Variants in JADE2 observed in about 807,000 individuals in gnomAD.
JADE2 encodes the protein jade family PHD finger 2, also known as E3 ubiquitin-protein ligase Jade-2.
JADE2 carries 13 observed loss-of-function variants against 85.7 expected under a neutral mutation model. That is an observed-to-expected ratio of 0.15 (90% CI 0.10 to 0.24). The LOEUF (loss-of-function observed/expected upper bound fraction) is 0.24, where lower values mean the gene tolerates loss of function less well. Ranked by LOEUF, JADE2 falls within the 10% of genes least tolerant of loss-of-function variation. The probability of loss-of-function intolerance (pLI) is 1.00; values close to 1 mark genes in which losing one functional copy is unlikely to be tolerated. For synonymous variants in JADE2, 440 were observed against 456.1 expected, an observed-to-expected ratio of 0.96 and a Z score of 0.45; for missense variants, 846 against 1,115.9, an observed-to-expected ratio of 0.76 and a Z score of 3.45.
intron 4 of JADE2, among the ~76,000 whole-genome samples, chr5:134,556,207 C>G (rs951385366): frequency 6.6e-6 from 1 of 152,224 alleles, no homozygotes; most frequent in South Asian, 2.1e-4. Context: ...GGGGCCTCCC[C>G]GCCCTGGCAG....
intron 7 of JADE2, among the ~76,000 whole-genome samples, chr5:134,563,920 C>G (rs1763480503): frequency 6.6e-6 from 1 of 152,274 alleles, no homozygotes; most frequent in East Asian, 1.9e-4. Flanking sequence ...GGGGTGGTCT[C>G]TGCCCAGTAG....
Position 134,566,408 on chromosome 5 carries a change from A to T in JADE2, c.1262A>T (p.Glu421Val), listed in dbSNP as rs369345598. 6 of 1,613,804 alleles carry T rather than the reference A, an allele frequency of 3.7e-6. No individual in the cohort carries two copies. In the African/African-American group the frequency reaches 6.7e-5, roughly 18 times the overall value. ...AEVAERLDLA[E>V]ALVDFIYQYW... ...GTGGCTGAGCGGCTGGACCTGGCTGAGGCACTGGTCGACTTCATCTACCAG... is the reference window on the plus strand; with the variant it reads ...GTGGCTGAGCGGCTGGACCTGGCTGTGGCACTGGTCGACTTCATCTACCAG... The change falls in exon 9 of 12, where the codon GAG becomes GTG. Residue 421 changes from glutamate to valine, a missense_variant. By Grantham distance (121) the Glu-to-Val change is moderately radical. Around this residue, in one of 9 missense-constraint regions of JADE2, gnomAD observed 88 missense variants for 140.6 expected, o/e 0.63. Transcript: ENST00000681547. The surrounding 1 kb of genome is among the most constrained non-coding windows in gnomAD (Gnocchi z 6.7).
At chr5:134,532,470 G>A (rs1056303587) in intron 1 of JADE2, among the ~76,000 whole-genome samples, 24 of 152,200 alleles carry the variant, frequency 1.6e-4, no homozygotes, top group African/African-American at 5.8e-4. Flanking sequence ...CATGCTGGGG[G>A]TTGCATGAGA....
rs954210316 is a variant in JADE2, at chr5:134,577,178, G to A, written c.1681+282G>A. The A allele has an allele frequency of 8.6e-5, 31 of 361,258 alleles. No individual in the cohort carries two copies. In the Admixed American group the frequency reaches 1.2e-3, roughly 14 times the overall value. The allele number at this position is 361,258 out of a possible 1,614,324, so 22.4% of individuals were successfully genotyped here. ...GTCCAGTCATTCCCCTGGCTGGGGG[G>A]TCCTGGGTGCTGGATTTTCCCAGAG... On this transcript the variant is annotated intron_variant, in intron 11 of 11. Coordinates refer to ENST00000681547, the MANE Select transcript of JADE2 (RefSeq NM_001388185.1).
intron 3 of JADE2, among the ~76,000 whole-genome samples, chr5:134,539,037 T>TTTTTA (rs1186316025): frequency 2.1e-5 from 3 of 143,628 alleles, no homozygotes; most frequent in East Asian, 2.0e-4. Context: ...TGTATTTTTA[T>TTTTTA]TTTTATTTTA....
chr5:134,556,140 C>T (rs1197480453), intron 4 of JADE2, among the ~76,000 whole-genome samples: 2 of 152,222 alleles, frequency 1.3e-5, no homozygotes, highest in Non-Finnish European at 2.9e-5. Context: ...TCCCTGTCAG[C>T]GCTGAGTCAC....
intron 3 of JADE2, among the ~76,000 whole-genome samples, chr5:134,543,285 C>T (rs575443092): frequency 6.6e-6 from 1 of 151,910 alleles, no homozygotes; most frequent in Admixed American, 6.5e-5. Context: ...CCACCTCGGC[C>T]TCCCAAAGTG....
At position 134,535,880 on chromosome 5, in the gene JADE2, A is replaced by C. The variant is rs1000558168; in HGVS notation, c.23A>C (p.Tyr8Ser). 2 of 1,613,680 alleles carry C rather than the reference A, an allele frequency of 1.2e-6. No individual in the cohort carries two copies. The highest frequency in any genetic ancestry group is 2.7e-5 in the African/African-American group (2 of 74,842). MEEKRRK[Y>S]SISSDNSDTT... is the part of the protein sequence containing the mutation. ...CAGATGGAAGAGAAGAGGCGAAAAT[A>C]CTCCATCAGCAGTGACAACTCTGAC... Residue 8 changes from tyrosine to serine, a missense_variant, in exon 2 of 12, where the codon TAC (tyrosine) becomes TCC (serine). Around this residue, in one of 9 missense-constraint regions of JADE2, gnomAD observed 47 missense variants for 42.2 expected, o/e 1.11. Coordinates refer to ENST00000681547, the MANE Select transcript of JADE2 (RefSeq NM_001388185.1).
Position 134,558,998 on chromosome 5 carries a change from C to A in JADE2, c.312-832C>A, listed in dbSNP as rs780258757. On this transcript the variant is annotated intron_variant, in intron 4 of 11. Coordinates refer to ENST00000681547, the MANE Select transcript of JADE2 (RefSeq NM_001388185.1). ...GCTGCCTCAGCGGCAGAGCTGTGGC[C>A]ACAAAGGAAGGCTGAGCTGGGGAGG... Among the ~76,000 whole-genome samples the A allele has an allele frequency of 6.0e-4, 92 of 152,202 alleles. 1 individual carries two copies. Among genetic ancestry groups the A allele is most frequent in the Admixed American group, 4.0e-3 (61 of 15,280 alleles).
rs994061824 is a variant in JADE2, at chr5:134,525,925, C to T, written c.-87C>T. Reference sequence around the variant, plus strand: ...CTCCCGCGCCGGCCCCAGGAGCTCCCGGCTTCGGGAGCATCCTTCCCGCGC... The same window carrying T: ...CTCCCGCGCCGGCCCCAGGAGCTCCTGGCTTCGGGAGCATCCTTCCCGCGC... On this transcript the variant is annotated 5_prime_UTR_variant, in exon 1 of 12. Transcript: ENST00000681547. 1 of 985,704 alleles carries T rather than the reference C, an allele frequency of 1.0e-6. No individual in the cohort carries two copies. The highest frequency in any genetic ancestry group is 1.2e-6 in the Non-Finnish European group (1 of 830,412). 61.1% of individuals were successfully genotyped at this position (985,704 alleles called of 1,614,324 possible). A position where few individuals can be genotyped will look rare whatever the true frequency, so the allele number is the denominator to read the frequency against.
rs1021931042 is a variant in JADE2, at chr5:134,573,726, C to A, written c.1516C>A (p.Leu506Met). Reference protein sequence around the residue: ...ICKLQEQIFHLQMKLIEQDLC... With the variant: ...ICKLQEQIFHMQMKLIEQDLC... The stretch of plus-strand genomic sequence containing the variant: ...CAAACTCCAGGAGCAGATATTCCAC[C>A]TGCAGATGAAACTTATTGAACAGGA... Residue 506 changes from leucine (L) to methionine (M), a missense_variant, in exon 10 of 12, where the codon CTG becomes ATG. Leu to Met is a conservative substitution (Grantham distance 15). This residue lies in a region of JADE2 where 119 missense variants were observed against 163.9 expected (regional missense o/e 0.73). Coordinates refer to ENST00000681547, the MANE Select transcript of JADE2 (RefSeq NM_001388185.1). The A allele has an allele frequency of 4.3e-6, 7 of 1,613,374 alleles. No individual in the cohort carries two copies. The highest frequency in any genetic ancestry group is 5.9e-6 in the Non-Finnish European group (7 of 1,179,372).
rs115051702 is a variant in JADE2, at chr5:134,569,400, G to A, written c.1434+2820G>A. On this transcript the variant is annotated intron_variant, in intron 9 of 11. Coordinates refer to ENST00000681547, the MANE Select transcript of JADE2 (RefSeq NM_001388185.1). ...CTGCCGGCATGAAATCCCATTTTAT[G>A]GTCAACCAGATGTGCTTTCCTAAAA... is the stretch of plus-strand genomic sequence containing the variant. 5.6e-3 allele frequency among the ~76,000 whole-genome samples: 855 copies of A among 152,346 alleles called. 10 individuals carry two copies. Among genetic ancestry groups the A allele is most frequent in the African/African-American group, 0.019 (796 of 41,582 alleles).
intron 4 of JADE2, among the ~76,000 whole-genome samples, chr5:134,557,000 C>T (rs1265744750): frequency 6.8e-6 from 1 of 146,892 alleles, no homozygotes; most frequent in Non-Finnish European, 1.5e-5. Flanking sequence ...ACACATACCA[C>T]ATGCACACAC....
At chr5:134,535,684 CTG>C (rs1339075586) in intron 1 of JADE2, among the ~76,000 whole-genome samples, 172 bp from the exon 2 acceptor site, 5 of 150,320 alleles carry the variant, frequency 3.3e-5, no homozygotes, top group Non-Finnish European at 7.4e-5. Context: ...CCCAGGGCCT[CTG>C]TGGGTGGGTG....
chr5:134,578,072 C>T lies in JADE2; in HGVS notation c.1682-422C>T, dbSNP rs1173527177. Among the ~76,000 whole-genome samples the T allele has an allele frequency of 6.6e-5, 10 of 152,190 alleles. No homozygotes were observed. The highest frequency in any genetic ancestry group is 1.2e-4 in the African/African-American group (5 of 41,428). On this transcript the variant is annotated intron_variant, in intron 11 of 11. Transcript: ENST00000681547. This position sits in a 1 kb window ranked among gnomAD's most constrained non-coding sequence, Gnocchi z 4.4. ...GTGGGTAGCAACCTGTGCAGTGCCA[C>T]GGGGTCCTTGTTCTTGGTTAATGCT...
chr5:134,564,323 C>T, intron 7 of JADE2, 171 bp from the exon 8 acceptor site: 1 of 537,684 alleles, frequency 1.9e-6, no homozygotes, highest in Non-Finnish European at 3.4e-6. Flanking sequence ...AGGAGGAATT[C>T]CGGCCTTTGA....
At chr5:134,573,528 G>C in intron 9 of JADE2, 117 bp from the exon 10 acceptor site, 1 of 759,082 alleles carries the variant, frequency 1.3e-6, no homozygotes, top group Non-Finnish European at 2.4e-6. Flanking sequence ...GGCAGGATAG[G>C]CTGTGGCGGT....
At chr5:134,575,778 C>G (rs1279540693) in intron 10 of JADE2, 1 of 151,940 alleles carries the variant, frequency 6.6e-6, no homozygotes, top group Non-Finnish European at 1.5e-5. Flanking sequence ...GCCTGTATTC[C>G]TAGCTGCTTG....
intron 1 of JADE2, among the ~76,000 whole-genome samples, chr5:134,529,912 T>A (rs1317206372): frequency 1.3e-5 from 2 of 152,112 alleles, no homozygotes; most frequent in African/African-American, 4.8e-5. Flanking sequence ...GGAGGGTGGG[T>A]GTGGCAGCGT....
Sources: gnomAD v4.1 joint callset for allele counts (sites outside exome capture counted in the v4.1 genomes callset) on GRCh38, gnomAD v4.1.1 for gene constraint, gnomAD v4.1.1 regional missense constraint, Gnocchi (gnomAD v3.1) non-coding constraint, MANE v1.5 for transcripts, NCBI Gene and HGNC (gene_info 2026-07-23, HGNC 2026-07-21) for gene names.